Variants in GPHN observed in about 807,000 individuals in gnomAD.
GPHN encodes gephyrin.
In GPHN, 17 loss-of-function variants were observed where a neutral mutation model predicts 95.5. The ratio of observed to expected loss-of-function variants is 0.18; its 90% CI spans 0.12 to 0.27. GPHN has a LOEUF of 0.27. Ranked by LOEUF, GPHN falls within the 10% of genes least tolerant of loss-of-function variation. The pLI is 1.00. For synonymous variants in GPHN, 320 were observed against 322.5 expected (o/e 0.99, Z 0.08); for missense variants, 660 against 978.1 (o/e 0.67, Z 4.34).
chr14:66,686,051 G>A (rs1275825099), intron 2 of GPHN, among the ~76,000 whole-genome samples: 1 of 152,162 alleles, frequency 6.6e-6, no homozygotes, highest in Non-Finnish European at 1.5e-5. Context: ...AAGATCAGAT[G>A]GTTGTAGATG....
intron 2 of GPHN, among the ~76,000 whole-genome samples, chr14:66,751,308 T>G (rs1490805726): frequency 1.3e-5 from 2 of 152,032 alleles, no homozygotes; most frequent in African/African-American, 4.8e-5. Context: ...ATATTCCCAC[T>G]AACAGTCTAT....
At chr14:67,170,476 A>T (rs1001225585) in intron 21 of GPHN, among the ~76,000 whole-genome samples, 1 of 152,216 alleles carries the variant, frequency 6.6e-6, no homozygotes, top group East Asian at 1.9e-4. Flanking sequence ...GAGAGAAAGA[A>T]GGCTTCCCTT....
the GPHN span, chr14:67,613,133 GT>G: frequency 0.037 from 5,444 of 146,886 alleles, 257 homozygotes; most frequent in African/African-American, 0.11. Context: ...CTATTTTTTT[GT>G]TTTTTTTTTT....
chr14:67,471,977 T>G, the GPHN span: 4 of 152,298 alleles, frequency 2.6e-5, no homozygotes, highest in African/African-American at 9.6e-5. Flanking sequence ...GAGCCGGAAG[T>G]AGGCTGGAGT....
the GPHN span, among the ~76,000 whole-genome samples, chr14:67,457,834 T>C: frequency 3.3e-5 from 5 of 152,338 alleles, no homozygotes; most frequent in East Asian, 7.7e-4. Context: ...TCCCCTGCTA[T>C]AGGCTGTTGT....
the GPHN span, chr14:67,650,499 A>G: frequency 1.7e-6 from 1 of 575,374 alleles, no homozygotes; most frequent in African/African-American, 1.9e-5. Flanking sequence ...CATTATCTTA[A>G]AAGGTTTCTT....
chr14:66,696,935 G>A (rs2068137293), intron 2 of GPHN, among the ~76,000 whole-genome samples: 1 of 152,116 alleles, frequency 6.6e-6, no homozygotes, highest in Non-Finnish European at 1.5e-5. Flanking sequence ...AAATATTTAA[G>A]TCACTTTTTA....
the GPHN span, among the ~76,000 whole-genome samples, chr14:67,535,215 T>C: frequency 6.6e-6 from 1 of 152,218 alleles, no homozygotes; most frequent in Non-Finnish European, 1.5e-5. Context: ...CCTGTAACAG[T>C]GGTTGCCGCT....
chr14:66,581,510 A>G (rs995333227), intron 1 of GPHN, among the ~76,000 whole-genome samples: 1 of 152,004 alleles, frequency 6.6e-6, no homozygotes, highest in Non-Finnish European at 1.5e-5. Context: ...ACAACCGGAA[A>G]ACAATGAACA....
At chr14:67,199,935 A>G in the GPHN span, 1 of 1,443,444 alleles carries the variant, frequency 6.9e-7, no homozygotes, top group Non-Finnish European at 9.3e-7. Context: ...GACACTCCCA[A>G]GCTCACCCAT....
At chr14:67,045,713 C>T (rs10220526) in intron 10 of GPHN, among the ~76,000 whole-genome samples, 1 of 151,592 alleles carries the variant, frequency 6.6e-6, no homozygotes, top group South Asian at 2.1e-4. Flanking sequence ...CTCTGTCTCT[C>T]TCTCTCTGTC....
chr14:67,272,072 A>G, the GPHN span: 2 of 152,108 alleles, frequency 1.3e-5, no homozygotes, highest in Non-Finnish European at 2.9e-5. Context: ...AAAAAAAAAA[A>G]AAGTTCAAGG....
intron 6 of GPHN, among the ~76,000 whole-genome samples, chr14:66,919,449 C>T (rs999253886): frequency 3.3e-5 from 5 of 152,140 alleles, no homozygotes; most frequent in African/African-American, 1.2e-4. Flanking sequence ...GGTGGGGTCA[C>T]CGAAGCCCAA....
chr14:67,323,226 TATACAC>T, the GPHN span, among the ~76,000 whole-genome samples: 158 of 101,650 alleles, frequency 1.6e-3, 1 homozygote, highest in Admixed American at 0.015. Flanking sequence ...TATACACATA[TATACAC>T]GTGTGTGTGT....
chr14:67,144,269 A>ACG (rs1567400905), intron 18 of GPHN, among the ~76,000 whole-genome samples: 4 of 113,926 alleles, frequency 3.5e-5, no homozygotes. Context: ...ATATATATAT[A>ACG]TATATATATA....
At chr14:67,047,162 CTTTATGTAG>C (rs1235164912) in intron 10 of GPHN, among the ~76,000 whole-genome samples, 1 of 151,986 alleles carries the variant, frequency 6.6e-6, no homozygotes, top group Non-Finnish European at 1.5e-5. Context: ...ATGATTTACA[CTTTATGTAG>C]TTTAGGGAGC....
the GPHN span, chr14:67,555,710 G>T: frequency 6.9e-7 from 1 of 1,458,200 alleles, no homozygotes; most frequent in Non-Finnish European, 9.3e-7. Context: ...CTTGAGATGG[G>T]CACTTGAAGT....
chr14:67,143,909 T>G (rs1047210497), intron 18 of GPHN, among the ~76,000 whole-genome samples: 3 of 151,904 alleles, frequency 2.0e-5, no homozygotes, highest in African/African-American at 7.3e-5. Context: ...TAGGCATTCC[T>G]TTTGCTCCTC....
At chr14:66,708,957 C>T (rs1389194254) in intron 2 of GPHN, among the ~76,000 whole-genome samples, 1 of 151,826 alleles carries the variant, frequency 6.6e-6, no homozygotes, top group African/African-American at 2.4e-5. Flanking sequence ...GTCTATTATA[C>T]ATAAGTATTA....
Sources: gnomAD v4.1 joint callset for allele counts (sites outside exome capture counted in the v4.1 genomes callset) on GRCh38, gnomAD v4.1.1 for gene constraint, MANE v1.5 for transcripts, NCBI Gene and HGNC (gene_info 2026-07-23, HGNC 2026-07-21) for gene names.